MYO3A: variants seen among roughly 807,000 people sequenced by gnomAD.
MYO3A encodes myosin IIIA, also known as myosin-IIIa.
In MYO3A, 180 loss-of-function variants were observed where a neutral mutation model predicts 192.7. The observed-to-expected ratio is 0.93, with a 90% CI of 0.83 to 1.06. MYO3A has a LOEUF of 1.06. Among genes scored for constraint, MYO3A ranks in the 50% least tolerant of loss-of-function variants. The pLI is 0.00. For synonymous variants in MYO3A, 628 were observed against 645.3 expected, an observed-to-expected ratio of 0.97 and a Z score of 0.41; for missense variants, 1,896 against 1,905.0, an observed-to-expected ratio of 1.00 and a Z score of 0.09.
chr10:26,172,012 C>T (rs1314656086), intron 29 of MYO3A, among the ~76,000 whole-genome samples: 1 of 152,148 alleles, frequency 6.6e-6, no homozygotes, highest in Non-Finnish European at 1.5e-5. Flanking sequence ...AAGAAGCTAT[C>T]ACTGTGGTCT....
In MYO3A at chr10:26,026,509, C is replaced by T. The variant is rs778364504; in HGVS notation, c.930C>T (p.Cys310=). The T allele has an allele frequency of 6.2e-7, 1 of 1,614,106 alleles. No individual in the cohort carries two copies. Among genetic ancestry groups the T allele is most frequent in the Non-Finnish European group, 8.5e-7 (1 of 1,179,982 alleles). ...CGGAATTCATTGGCATCCATCAATG[C>T]ATGGGAGGCACAGAAAAGGCCAGGT... ...QLTEFIGIHQ[C]MGGTEKARRE... Residue 310 remains cysteine (C), a synonymous_variant, in exon 10 of 35, where the codon TGC becomes TGT. Transcript: ENST00000642920.
Position 26,088,407 on chromosome 10 carries a change from T to A in MYO3A, c.1562+2T>A. ...ATCCCGAGTTATCCACCAAGCTATG[T>A]AAGTTTATTTCAAATCTCTCCTATT... On this transcript the variant is annotated splice_donor_variant, in intron 15 of 34. Transcript: ENST00000642920. LOFTEE classifies it high-confidence loss of function. The A allele has an allele frequency of 6.2e-7, 1 of 1,611,600 alleles. No individual in the cohort carries two copies. Among genetic ancestry groups the A allele is most frequent in the Admixed American group, 1.7e-5 (1 of 60,018 alleles).
At chr10:26,112,229 A>C (rs1282460297) in intron 17 of MYO3A, among the ~76,000 whole-genome samples, 1 of 152,206 alleles carries the variant, frequency 6.6e-6, no homozygotes, top group African/African-American at 2.4e-5. Context: ...GATAAAGGAA[A>C]ATATAACATC....
chr10:26,162,974 G>A (rs187265974), intron 26 of MYO3A, among the ~76,000 whole-genome samples: 137 of 152,372 alleles, frequency 9.0e-4, no homozygotes, highest in African/African-American at 3.2e-3. Flanking sequence ...CTAGGAGTGG[G>A]ATGAAAGGGC....
chr10:25,999,808 C>T (rs907950914), intron 6 of MYO3A, among the ~76,000 whole-genome samples: 4 of 152,204 alleles, frequency 2.6e-5, no homozygotes, highest in African/African-American at 9.6e-5. Context: ...TCGCCCACAT[C>T]TACTCATTGC....
rs138617479 is a variant in MYO3A, at chr10:26,128,464, G to C, written c.2188G>C (p.Glu730Gln). The change falls in exon 20 of 35, where the codon GAG becomes CAG. Residue 730 changes from glutamate (E) to glutamine (Q), a missense_variant. Transcript: ENST00000642920. The part of the protein sequence containing the change: ...GFENFKKNSF[E>Q]QLCINIANEQ... The stretch of plus-strand genomic sequence containing the variant: ...TGAAAATTTCAAAAAAAATTCCTTC[G>C]AGCAGCTGTGCATTAACATTGCAAA... 2 of 1,612,198 alleles carry C rather than the reference G, an allele frequency of 1.2e-6. No individual in the cohort carries two copies. Among genetic ancestry groups the C allele is most frequent in the African/African-American group, 2.7e-5 (2 of 74,828 alleles).
intron 32 of MYO3A, 128 bp downstream of exon 32, chr10:26,193,439 CT>C: frequency 1.3e-6 from 1 of 740,852 alleles, no homozygotes; most frequent in Non-Finnish European, 2.3e-6. Flanking sequence ...TTGGTCTCCT[CT>C]TCACTGCCCT....
chr10:26,160,396 G>A (rs1441723109), intron 26 of MYO3A, among the ~76,000 whole-genome samples: 1 of 152,194 alleles, frequency 6.6e-6, no homozygotes, highest in East Asian at 1.9e-4. Context: ...ATATCAAGAA[G>A]AGGCATTCAG....
chr10:26,029,736 T>C (rs909272174), intron 10 of MYO3A, among the ~76,000 whole-genome samples: 4 of 152,208 alleles, frequency 2.6e-5, no homozygotes, highest in African/African-American at 9.7e-5. Flanking sequence ...ACATACTTTT[T>C]AACAGTAACT....
chr10:25,957,936 T>G (rs530947822), intron 4 of MYO3A, among the ~76,000 whole-genome samples: 1 of 152,314 alleles, frequency 6.6e-6, no homozygotes, highest in Admixed American at 6.5e-5. Context: ...TTAATGAGGT[T>G]GTTTGTTTTT....
In MYO3A at chr10:26,067,063, A is replaced by C. The variant is rs3824699; in HGVS notation, c.1042A>C (p.Ile348Leu). ...TGTAGATGATTTAGCAACCCTAGAAATTTTGGATGAGGTAAGAATTTCAGT... is the reference window on the plus strand; with the variant it reads ...TGTAGATGATTTAGCAACCCTAGAACTTTTGGATGAGGTAAGAATTTCAGT... ...KDVDDLATLE[I>L]LDENTVSEQL... is the part of the protein sequence containing the mutation. Residue 348 changes from isoleucine (I) to leucine (L), a missense_variant, in exon 11 of 35, where the codon ATT (isoleucine) becomes CTT (leucine). By Grantham distance (5) the Ile-to-Leu change is conservative (BLOSUM62 2). Coordinates refer to ENST00000642920, the MANE Select transcript of MYO3A (RefSeq NM_017433.5). 1.9e-6 allele frequency: 3 copies of C among 1,606,640 alleles called. No individual in the cohort carries two copies. Among genetic ancestry groups the C allele is most frequent in the Non-Finnish European group, 2.6e-6 (3 of 1,173,530 alleles).
At chr10:26,040,899 A>G (rs577492326) in intron 10 of MYO3A, among the ~76,000 whole-genome samples, 12 of 152,104 alleles carry the variant, frequency 7.9e-5, no homozygotes, top group Non-Finnish European at 1.8e-4. Context: ...ATAAATATGT[A>G]TTAGGTCTAT....
chr10:25,996,678 C>T (rs146169241), intron 5 of MYO3A, 84 bp downstream of exon 5: 2 of 1,008,524 alleles, frequency 2.0e-6, no homozygotes, highest in Non-Finnish European at 3.1e-6. Flanking sequence ...AAAAATGTCA[C>T]TAGTGATACT....
chr10:26,100,262 T>C (rs2131583437), intron 17 of MYO3A, among the ~76,000 whole-genome samples: 1 of 152,316 alleles, frequency 6.6e-6, no homozygotes, highest in South Asian at 2.1e-4. Context: ...GTCCCCTTTA[T>C]CATTTTTGTT....
At chr10:26,144,606 T>A (rs1840347148) in intron 21 of MYO3A, among the ~76,000 whole-genome samples, 1 of 152,178 alleles carries the variant, frequency 6.6e-6, no homozygotes, top group Non-Finnish European at 1.5e-5. Flanking sequence ...CATGTTTTAT[T>A]TCTCATGTAA....
At chr10:26,169,009 A>G (rs767450166) in intron 28 of MYO3A, 135 bp downstream of exon 28, 3 of 795,180 alleles carry the variant, frequency 3.8e-6, no homozygotes, top group Non-Finnish European at 5.8e-6. Flanking sequence ...TGCTATATTA[A>G]ATCTAAGTCA....
chr10:26,093,764 C>T (rs1836843747), intron 15 of MYO3A, among the ~76,000 whole-genome samples: 1 of 152,150 alleles, frequency 6.6e-6, no homozygotes, highest in African/African-American at 2.4e-5. Context: ...ACATACCTCT[C>T]CCCCTCTCTT....
chr10:26,047,659 CAG>C (rs1564492228), intron 10 of MYO3A, among the ~76,000 whole-genome samples: 3 of 151,754 alleles, frequency 2.0e-5, no homozygotes, highest in Admixed American at 1.3e-4. Context: ...CCTGTAGTCC[CAG>C]CTACTCTGGA....
At chr10:26,093,998 A>G (rs1380557529) in intron 15 of MYO3A, among the ~76,000 whole-genome samples, 1 of 152,210 alleles carries the variant, frequency 6.6e-6, no homozygotes, top group Non-Finnish European at 1.5e-5. Flanking sequence ...TAGCATTGTT[A>G]CTTTTCTCTT....
Sources: gnomAD v4.1 joint callset for allele counts (sites outside exome capture counted in the v4.1 genomes callset) on GRCh38, gnomAD v4.1.1 for gene constraint, MANE v1.5 for transcripts, NCBI Gene and HGNC (gene_info 2026-07-23, HGNC 2026-07-21) for gene names.